DLG2: variants seen among roughly 807,000 people sequenced by gnomAD.
The protein encoded by DLG2 is disks large homolog 2.
In DLG2, 45 loss-of-function variants were observed where a neutral mutation model predicts 132.5. That is an observed-to-expected ratio of 0.34 (90% CI 0.27 to 0.44). The LOEUF is 0.44. Among genes scored for constraint, DLG2 ranks in the 20% least tolerant of loss-of-function variants. The pLI is 1.00. For synonymous variants in DLG2, 424 were observed against 419.6 expected, an observed-to-expected ratio of 1.01 and a Z score of -0.13; for missense variants, 1,045 against 1,196.9, an observed-to-expected ratio of 0.87 and a Z score of 1.87.
chr11:85,152,522 C>T (rs1357542316), intron 5 of DLG2, among the ~76,000 whole-genome samples: 1 of 151,916 alleles, frequency 6.6e-6, no homozygotes, highest in Non-Finnish European at 1.5e-5. Context: ...TACACCTTGG[C>T]CTCCCAAAGT....
At chr11:84,267,090 C>G (rs183609249) in intron 7 of DLG2, among the ~76,000 whole-genome samples, 1 of 152,174 alleles carries the variant, frequency 6.6e-6, no homozygotes, top group Non-Finnish European at 1.5e-5. Context: ...GGTGGGATTA[C>G]GGTTGGAAGA....
intron 19 of DLG2, among the ~76,000 whole-genome samples, chr11:83,618,709 C>G (rs1403530487): frequency 6.6e-6 from 1 of 152,130 alleles, no homozygotes; most frequent in Non-Finnish European, 1.5e-5. Context: ...AGTTAGAATT[C>G]TACAGGACTT....
chr11:83,906,499 T>TTC (rs900153712), intron 15 of DLG2, among the ~76,000 whole-genome samples: 1 of 152,100 alleles, frequency 6.6e-6, no homozygotes, highest in Non-Finnish European at 1.5e-5. Context: ...CACTCATTCA[T>TTC]TCATCCATCT....
intron 6 of DLG2, among the ~76,000 whole-genome samples, chr11:85,095,675 G>C (rs1396824841): frequency 6.6e-6 from 1 of 152,098 alleles, no homozygotes; most frequent in Non-Finnish European, 1.5e-5. Context: ...TTTCAAAATA[G>C]ATTTCATTAT....
intron 6 of DLG2, among the ~76,000 whole-genome samples, chr11:84,699,154 A>G (rs1447099105): frequency 6.6e-6 from 1 of 151,504 alleles, no homozygotes; most frequent in Non-Finnish European, 1.5e-5. Context: ...TTCTTCTTGG[A>G]AAAGTGCAAA....
chr11:84,975,414 T>A (rs1392114843), intron 6 of DLG2, among the ~76,000 whole-genome samples: 1 of 152,194 alleles, frequency 6.6e-6, no homozygotes, highest in Non-Finnish European at 1.5e-5. Flanking sequence ...CCGATACATA[T>A]CTTTTGCATT....
chr11:83,556,970 A>G (rs558823286), intron 19 of DLG2, among the ~76,000 whole-genome samples: 2 of 152,022 alleles, frequency 1.3e-5, no homozygotes, highest in East Asian at 3.9e-4. Context: ...TCAGCCCATA[A>G]TATGAAGCCA....
intron 6 of DLG2, among the ~76,000 whole-genome samples, chr11:84,849,039 C>T (rs2081861986): frequency 6.6e-6 from 1 of 152,134 alleles, no homozygotes; most frequent in African/African-American, 2.4e-5. Context: ...ATTTAAGATG[C>T]CTAGTTACTT....
intron 18 of DLG2, among the ~76,000 whole-genome samples, chr11:83,700,149 C>T (rs1317037040): frequency 1.3e-5 from 2 of 151,616 alleles, no homozygotes; most frequent in Non-Finnish European, 2.9e-5. Flanking sequence ...TGGTACATAC[C>T]TTATAAGGTT....
At chr11:84,684,146 A>T (rs2099735993) in intron 6 of DLG2, among the ~76,000 whole-genome samples, 1 of 152,192 alleles carries the variant, frequency 6.6e-6, no homozygotes, top group Non-Finnish European at 1.5e-5. Context: ...TGCAATGTGT[A>T]TTTATTTTCT....
intron 10 of DLG2, among the ~76,000 whole-genome samples, chr11:84,089,508 C>G (rs1016741651): frequency 3.9e-5 from 6 of 152,122 alleles, no homozygotes; most frequent in Non-Finnish European, 7.4e-5. Context: ...TGACAAAGGA[C>G]AGCCAAAGGA....
At chr11:84,642,447 A>G (rs566637467) in intron 6 of DLG2, among the ~76,000 whole-genome samples, 1 of 152,254 alleles carries the variant, frequency 6.6e-6, no homozygotes, top group East Asian at 1.9e-4. Flanking sequence ...ACGGAAAGAG[A>G]TACACTTTAA....
At position 85,609,577 on chromosome 11, in the gene DLG2, C is replaced by T. The variant is rs569378299; in HGVS notation, c.-92-10789G>A. Among the ~76,000 whole-genome samples, 54 of 152,298 alleles carry T rather than the reference C, an allele frequency of 3.5e-4. No individual in the cohort carries two copies. The Middle Eastern group carries it at 0.017, about 48-fold the overall frequency. On this transcript the variant is annotated intron_variant, in intron 2 of 27. Coordinates refer to ENST00000376104, the MANE Select transcript of DLG2 (RefSeq NM_001142699.3). ...TCCAATGAGAAACAAGCTGCCCCCTCGTCCATGTCTGCTATGCTGAGGCAA... is the reference window on the plus strand; with the variant it reads ...TCCAATGAGAAACAAGCTGCCCCCTTGTCCATGTCTGCTATGCTGAGGCAA...
chr11:84,779,194 G>GCACA (rs112067471), intron 6 of DLG2, among the ~76,000 whole-genome samples: 5 of 148,912 alleles, frequency 3.4e-5, no homozygotes, highest in East Asian at 2.0e-4. Context: ...ATATATGTGC[G>GCACA]CACACACACA....
chr11:84,076,560 T>C (rs2096832678), intron 10 of DLG2, among the ~76,000 whole-genome samples: 1 of 152,226 alleles, frequency 6.6e-6, no homozygotes, highest in African/African-American at 2.4e-5. Context: ...TCTAATGGCT[T>C]CTGGTCTTGT....
At chr11:84,538,312 T>G (rs1026350252) in intron 6 of DLG2, among the ~76,000 whole-genome samples, 4 of 152,234 alleles carry the variant, frequency 2.6e-5, no homozygotes, top group Non-Finnish European at 5.9e-5. Context: ...TAAAGTGGAT[T>G]GTAGCAGATG....
rs181762658 is a variant in DLG2, at chr11:84,077,763, T to C, written c.750-18279A>G. 2.8e-3 allele frequency among the ~76,000 whole-genome samples: 420 copies of C among 152,296 alleles called. 1 individual carries two copies. The highest frequency in any genetic ancestry group is 8.9e-3 in the African/African-American group (371 of 41,582). ...CAATTTAAAATATTAATAAACAATA[T>C]CTTCTTGAGCAGTTAAAAAATCACA... On this transcript the variant is annotated intron_variant, in intron 10 of 27. Coordinates refer to ENST00000376104, the MANE Select transcript of DLG2 (RefSeq NM_001142699.3).
At chr11:85,398,927 C>T (rs1234348647) in intron 3 of DLG2, among the ~76,000 whole-genome samples, 2 of 151,764 alleles carry the variant, frequency 1.3e-5, no homozygotes, top group Non-Finnish European at 2.9e-5. Context: ...ATGTTCTGGC[C>T]AGGGCAATTA....
At chr11:85,069,883 G>C (rs930373158) in intron 6 of DLG2, among the ~76,000 whole-genome samples, 3 of 152,064 alleles carry the variant, frequency 2.0e-5, no homozygotes, top group African/African-American at 7.2e-5. Context: ...ATTCACAATA[G>C]CAAAGACTTG....
Sources: gnomAD v4.1 joint callset for allele counts (sites outside exome capture counted in the v4.1 genomes callset) on GRCh38, gnomAD v4.1.1 for gene constraint, MANE v1.5 for transcripts, NCBI Gene and HGNC (gene_info 2026-07-23, HGNC 2026-07-21) for gene names.